AMPH: variants seen among roughly 807,000 people sequenced by gnomAD.
The protein encoded by AMPH is amphiphysin.
A neutral mutation model predicts 99.1 loss-of-function variants in AMPH; 49 were observed. That is an observed-to-expected ratio of 0.49 (90% confidence interval 0.39 to 0.63). AMPH has a LOEUF of 0.63. Among genes scored for constraint, AMPH ranks in the 20% least tolerant of loss-of-function variants. The pLI is 0.00. For synonymous variants in AMPH, 314 were observed against 317.3 expected, an observed-to-expected ratio of 0.99 and a Z score of 0.11; for missense variants, 759 against 863.4, an observed-to-expected ratio of 0.88 and a Z score of 1.52.
intron 4 of AMPH, among the ~76,000 whole-genome samples, chr7:38,494,101 C>T (rs1303087314): frequency 3.3e-5 from 5 of 152,130 alleles, no homozygotes; most frequent in Admixed American, 6.5e-5. Context: ...AGATTACAGG[C>T]GTGTGCCACC....
chr7:38,516,397 G>A lies in AMPH; in HGVS notation c.151-12693C>T, dbSNP rs1789742950. Among the ~76,000 whole-genome samples, 2 of 152,206 alleles carry A rather than the reference G, an allele frequency of 1.3e-5. 1 individual carries two copies. The highest frequency in any genetic ancestry group is 4.1e-4 in the South Asian group (2 of 4,834). On this transcript the variant is annotated intron_variant, in intron 2 of 20. Transcript: ENST00000356264. ...TTAAAAGGGCCCCAGAGAAGTCTCAGACCACTGCTCCAGAGGATGTAAGCT... is the reference window on the plus strand; with the variant it reads ...TTAAAAGGGCCCCAGAGAAGTCTCAAACCACTGCTCCAGAGGATGTAAGCT...
intron 1 of AMPH, among the ~76,000 whole-genome samples, chr7:38,582,944 C>T (rs1792518580): frequency 6.6e-6 from 1 of 152,120 alleles, no homozygotes; most frequent in Admixed American, 6.5e-5. Flanking sequence ...TTCTCTTTAG[C>T]ATTATTATAT....
intron 17 of AMPH, among the ~76,000 whole-genome samples, chr7:38,414,903 A>AG (rs1278405264): frequency 3.3e-5 from 5 of 152,096 alleles, no homozygotes; most frequent in African/African-American, 1.2e-4. Context: ...ACCTCATGTG[A>AG]TTTGCCTGCC....
At chr7:38,490,576 T>C (rs1455208434) in intron 5 of AMPH, among the ~76,000 whole-genome samples, 1 of 152,094 alleles carries the variant, frequency 6.6e-6, no homozygotes, top group Non-Finnish European at 1.5e-5. Flanking sequence ...ACCTGAAAAT[T>C]TCAGTGAGAG....
chr7:38,623,514 C>T (rs1584317673), intron 1 of AMPH, among the ~76,000 whole-genome samples: 4 of 152,008 alleles, frequency 2.6e-5, no homozygotes, highest in Admixed American at 2.6e-4. Flanking sequence ...AGAAAATAAC[C>T]CTAGTGGAAA....
At chr7:38,450,409 G>C (rs1331090338) in intron 11 of AMPH, among the ~76,000 whole-genome samples, 1 of 152,154 alleles carries the variant, frequency 6.6e-6, no homozygotes, top group African/African-American at 2.4e-5. Context: ...TCATGCTTTT[G>C]AGCACCTTTC....
chr7:38,429,031 T>C (rs1785896169), intron 14 of AMPH: 1 of 1,290,346 alleles, frequency 7.7e-7, no homozygotes, highest in Non-Finnish European at 1.0e-6. Context: ...TCTAGTGTCT[T>C]GATATCAATA....
intron 19 of AMPH, 56 bp from the exon 20 acceptor site, chr7:38,389,961 A>T: frequency 7.5e-7 from 1 of 1,337,824 alleles, no homozygotes; most frequent in Non-Finnish European, 1.1e-6. Flanking sequence ...TCAAGCAGAC[A>T]CTCTTACAAG....
intron 10 of AMPH, 131 bp from the exon 11 acceptor site, chr7:38,461,542 G>T: frequency 2.8e-6 from 3 of 1,071,724 alleles, no homozygotes; most frequent in Non-Finnish European, 4.1e-6. Flanking sequence ...ATAGCAGCAA[G>T]CCTATCTGAT....
chr7:38,544,956 G>A (rs1055259518), intron 1 of AMPH, among the ~76,000 whole-genome samples: 2 of 152,258 alleles, frequency 1.3e-5, no homozygotes, highest in Admixed American at 6.5e-5. Context: ...TCACATCTTC[G>A]ACTTTCTATG....
At chr7:38,609,076 G>C (rs1793534327) in intron 1 of AMPH, among the ~76,000 whole-genome samples, 1 of 152,198 alleles carries the variant, frequency 6.6e-6, no homozygotes, top group Non-Finnish European at 1.5e-5. Context: ...GGAAAGGTGA[G>C]ATGACTGTGA....
Position 38,384,152 on chromosome 7 carries a change from A to G in AMPH, c.*666T>C, listed in dbSNP as rs1415012656. ...GGTTTTGCCATTAGGCAAAACTGCA[A>G]TTGTAATGCCAGACAGAATAAGAGC... On this transcript the variant is annotated 3_prime_UTR_variant, in exon 21 of 21. Transcript: ENST00000356264. 1 of 152,360 alleles carries G rather than the reference A, an allele frequency of 6.6e-6. No homozygotes were observed. Among genetic ancestry groups the G allele is most frequent in the East Asian group, 1.9e-4 (1 of 5,204 alleles). 9.4% of individuals were successfully genotyped at this position (152,360 alleles called of 1,614,324 possible). A position where few individuals can be genotyped will look rare whatever the true frequency, so the allele number is the denominator to read the frequency against.
chr7:38,604,898 AGGTACGAT>A (rs1235655918), intron 1 of AMPH, among the ~76,000 whole-genome samples: 1 of 151,814 alleles, frequency 6.6e-6, no homozygotes, highest in African/African-American at 2.4e-5. Context: ...CTTTATTTGG[AGGTACGAT>A]GTGATTAGTC....
rs572396242 is a variant in AMPH at position 38,465,638 on chromosome 7, G to A, written c.667-89C>T. On this transcript the variant is annotated intron_variant, in intron 8 of 20. Coordinates refer to ENST00000356264, the MANE Select transcript of AMPH (RefSeq NM_001635.4). ...CTCCCCAAGAAAGAAATTGCTTATT[G>A]AGAAGCTATAAATTTTATGATAGCT... 5 of 1,165,874 alleles carry A rather than the reference G, an allele frequency of 4.3e-6. No homozygotes were observed. In the African/African-American group the frequency reaches 7.7e-5, roughly 18 times the overall value. 72.2% of individuals were successfully genotyped at this position (1,165,874 alleles called of 1,614,324 possible).
intron 11 of AMPH, among the ~76,000 whole-genome samples, chr7:38,436,857 T>G (rs12533241): frequency 0.054 from 8,204 of 152,304 alleles, 604 homozygotes; most frequent in East Asian, 0.35. Context: ...CATTGTGTAC[T>G]GCTGACCACA....
At chr7:38,476,784 G>A (rs1788100736) in intron 6 of AMPH, 78 bp downstream of exon 6, 2 of 948,998 alleles carry the variant, frequency 2.1e-6, no homozygotes, top group Non-Finnish European at 3.4e-6. Flanking sequence ...TATAGAGGAG[G>A]CATTTAATTT....
At chr7:38,613,860 C>T (rs1309429066) in intron 1 of AMPH, among the ~76,000 whole-genome samples, 1 of 151,520 alleles carries the variant, frequency 6.6e-6, no homozygotes, top group African/African-American at 2.4e-5. Context: ...CTTCCTCATG[C>T]AACTGTGCTA....
At chr7:38,455,045 T>C (rs1397210200) in intron 11 of AMPH, among the ~76,000 whole-genome samples, 3 of 152,136 alleles carry the variant, frequency 2.0e-5, no homozygotes, top group Non-Finnish European at 4.4e-5. Flanking sequence ...CTAGTGGTCA[T>C]GTCAGAGTGG....
At chr7:38,413,167 G>A (rs1247071320) in intron 17 of AMPH, among the ~76,000 whole-genome samples, 2 of 152,310 alleles carry the variant, frequency 1.3e-5, no homozygotes, top group South Asian at 2.1e-4. Flanking sequence ...CTGCACGACA[G>A]ATGTTGAAAC....
Sources: gnomAD v4.1 joint callset for allele counts (sites outside exome capture counted in the v4.1 genomes callset) on GRCh38, gnomAD v4.1.1 for gene constraint, MANE v1.5 for transcripts, NCBI Gene and HGNC (gene_info 2026-07-23, HGNC 2026-07-21) for gene names.